ASTE1: variants seen among roughly 807,000 people sequenced by gnomAD.
The protein encoded by ASTE1 is asteroid structure-specific endonuclease 1.
Under a neutral mutation model 45.8 loss-of-function variants are expected in ASTE1, and 49 were observed. The observed-to-expected ratio is 1.07, with a 90% CI of 0.85 to 1.36. The LOEUF is 1.36. Among genes scored for constraint, ASTE1 ranks in the 40% most tolerant of loss-of-function variants. ASTE1 has a pLI of 0.00. For synonymous variants in ASTE1, 296 were observed against 303.9 expected, an observed-to-expected ratio of 0.97 and a Z score of 0.27; for missense variants, 709 against 804.0, an observed-to-expected ratio of 0.88 and a Z score of 1.43.
chr3:131,014,398 C>A lies in ASTE1; in HGVS notation c.1710-11G>T, dbSNP rs1427406442. 6.5e-7 allele frequency: 1 copy of A among 1,548,414 alleles called. No individual in the cohort carries two copies. The highest frequency in any genetic ancestry group is 8.7e-7 in the Non-Finnish European group (1 of 1,152,496). The stretch of plus-strand genomic sequence containing the variant: ...CTTCCACTGTACAGTCTGTTCAAAG[C>A]AAGAAAAAAGTATGTTGTTAAAGAA... On this transcript the variant is annotated splice_polypyrimidine_tract_variant and intron_variant, in intron 5 of 5. Transcript: ENST00000264992.
intron 5 of ASTE1, among the ~76,000 whole-genome samples, chr3:131,015,679 G>A (rs535690601): frequency 6.6e-6 from 1 of 152,124 alleles, no homozygotes; most frequent in African/African-American, 2.4e-5. Flanking sequence ...TTTAATATCT[G>A]AATGAATGAG....
chr3:131,023,876 C>T lies in ASTE1; in HGVS notation c.1302+129G>A, dbSNP rs149429794. ...TTCACTCAAGTTCTAGATTTCTTAG[C>T]TACGACATGAGGGCAAGATAGCACT... On this transcript the variant is annotated intron_variant, in intron 3 of 5. Coordinates refer to ENST00000264992, the MANE Select transcript of ASTE1 (RefSeq NM_014065.4). 5.9e-4 allele frequency: 566 copies of T among 956,260 alleles called. 2 individuals carry two copies. In the African/African-American group the frequency reaches 8.8e-3, roughly 15 times the overall value. The allele number at this position is 956,260 out of a possible 1,614,324, so 59.2% of individuals were successfully genotyped here. A position where few individuals can be genotyped will look rare whatever the true frequency, so the allele number is the denominator to read the frequency against.
intron 5 of ASTE1, among the ~76,000 whole-genome samples, chr3:131,015,589 C>T (rs777819370): frequency 1.3e-5 from 2 of 152,180 alleles, no homozygotes; most frequent in Non-Finnish European, 2.9e-5. Flanking sequence ...TGGGCATCTA[C>T]TCATCATCTC....
chr3:131,023,936 T>C (rs1488489183), intron 3 of ASTE1, 69 bp downstream of exon 3: 2 of 1,445,800 alleles, frequency 1.4e-6, no homozygotes, highest in East Asian at 2.3e-5. Context: ...AGTGAACTAA[T>C]ATAGAAGACA....
At chr3:131,020,758 A>G (rs958447440) in intron 3 of ASTE1, among the ~76,000 whole-genome samples, 2 of 152,232 alleles carry the variant, frequency 1.3e-5, no homozygotes, top group African/African-American at 4.8e-5. Flanking sequence ...CACTGAGCTA[A>G]ATTCAGAATT....
At chr3:131,018,153 G>C (rs1158031534) in intron 4 of ASTE1, among the ~76,000 whole-genome samples, 2 of 152,122 alleles carry the variant, frequency 1.3e-5, no homozygotes, top group African/African-American at 4.8e-5. Flanking sequence ...CGTTGCTGCT[G>C]TGCTAATAAC....
chr3:131,024,365 A>G lies in ASTE1; in HGVS notation c.942T>C (p.Thr314=). The G allele has an allele frequency of 6.2e-7, 1 of 1,614,270 alleles. No homozygotes were observed. The highest frequency in any genetic ancestry group is 8.5e-7 in the Non-Finnish European group (1 of 1,180,048). Residue 314 remains threonine (T), a synonymous_variant, in exon 3 of 6, where the codon ACT becomes ACC. Transcript: ENST00000264992. ...GATTCAAGGCATCTGGACAGACATA[A>G]GTACCACACTGGAAGAAGTCCTGTA... ...VKLQDFFQCG[T]YVCPDALNLG... is the part of the protein sequence containing the mutation.
chr3:131,025,173 A>G lies in ASTE1; in HGVS notation c.134T>C (p.Leu45Ser), dbSNP rs2063807803. Residue 45 changes from leucine (L) to serine (S), a missense_variant, in exon 3 of 6, where the codon TTG (leucine) becomes TCG (serine). Leu to Ser is a moderately radical substitution (Grantham distance 145). Transcript: ENST00000264992. ...LFHRLCFSSN[L>S]DLRYGGDYDS... ...ATAGTCCCCTCCATACCGGAGATCCAAGTTTGAACTGAAGCAAAGACGGTG... is the reference window on the plus strand; with the variant it reads ...ATAGTCCCCTCCATACCGGAGATCCGAGTTTGAACTGAAGCAAAGACGGTG... The G allele has an allele frequency of 1.2e-6, 2 of 1,614,242 alleles. No homozygotes were observed. The highest frequency in any genetic ancestry group is 2.2e-5 in the East Asian group (1 of 44,888).
In ASTE1 at chr3:131,025,056, A is replaced by T. The variant is rs375122968; in HGVS notation, c.251T>A (p.Ile84Asn). 10 of 1,606,946 alleles carry T rather than the reference A, an allele frequency of 6.2e-6. No homozygotes were observed. In the African/African-American group the frequency reaches 1.3e-4, roughly 22 times the overall value. The stretch of plus-strand genomic sequence containing the variant: ...TAAAGTTGTAAGCTTTTTATCTGAA[A>T]TGTCACATCCTCCATCTAATACAAC... ...PYVVLDGGCD[I>N]SDKKLTTLKD... The change falls in exon 3 of 6, where the codon ATT becomes AAT. Residue 84 changes from isoleucine (I) to asparagine (N), a missense_variant. Ile to Asn is a moderately radical substitution (Grantham distance 149). Coordinates refer to ENST00000264992, the MANE Select transcript of ASTE1 (RefSeq NM_014065.4).
chr3:131,025,962 C>G (rs980232203), intron 1 of ASTE1, among the ~76,000 whole-genome samples: 5 of 152,178 alleles, frequency 3.3e-5, no homozygotes, highest in Admixed American at 1.3e-4. Context: ...ACACCCCTAA[C>G]CACGAGCTCT....
Position 131,016,203 on chromosome 3 carries a change from C to G in ASTE1, c.1650G>C (p.Gln550His), listed in dbSNP as rs116326480. ...HIFCQWQSCL[Q>H]MGMYLNQLLS... ...GCAGCTGGTTGAGATACATCCCCAT[C>G]TGGAGACAGGACTGCCACTGACAGA... Residue 550 changes from glutamine (Q) to histidine (H), a missense_variant, in exon 5 of 6, where the codon CAG (glutamine) becomes CAC (histidine). Coordinates refer to ENST00000264992, the MANE Select transcript of ASTE1 (RefSeq NM_014065.4). 1 of 1,614,168 alleles carries G rather than the reference C, an allele frequency of 6.2e-7. No homozygotes were observed. The highest frequency in any genetic ancestry group is 1.3e-5 in the African/African-American group (1 of 75,036).
At chr3:131,021,378 A>C (rs2063740366) in intron 3 of ASTE1, among the ~76,000 whole-genome samples, 1 of 152,246 alleles carries the variant, frequency 6.6e-6, no homozygotes, top group Non-Finnish European at 1.5e-5. Flanking sequence ...AAATAGAAAA[A>C]TGTTACAGCA....
Position 131,014,090 on chromosome 3 carries a change from TAA to T in ASTE1, c.2005_2006del (p.Leu669ArgfsTer4), listed in dbSNP as rs760389783. ...NRFGLLMVEN[L>X]EEHSEASNIE Reference sequence around the variant, plus strand: ...TGTTGGAGGCCTCACTATGTTCCTCTAAGTTTTCAACCATTAACAACCCAAAC... The same window carrying T: ...TGTTGGAGGCCTCACTATGTTCCTCTGTTTTCAACCATTAACAACCCAAAC... On this transcript the variant is annotated frameshift_variant, in exon 6 of 6. Coordinates refer to ENST00000264992, the MANE Select transcript of ASTE1 (RefSeq NM_014065.4). LOFTEE classifies it high-confidence loss of function. 14 of 1,601,784 alleles carry T rather than the reference TAA, an allele frequency of 8.7e-6. No homozygotes were observed. Among genetic ancestry groups the T allele is most frequent in the Non-Finnish European group, 1.2e-5 (14 of 1,176,814 alleles).
At chr3:131,021,003 C>A (rs1035300522) in intron 3 of ASTE1, among the ~76,000 whole-genome samples, 1 of 152,172 alleles carries the variant, frequency 6.6e-6, no homozygotes, top group Non-Finnish European at 1.5e-5. Flanking sequence ...ATTCTAGATA[C>A]ATTATAGATC....
intron 1 of ASTE1, among the ~76,000 whole-genome samples, chr3:131,025,816 A>T (rs2063848111): frequency 6.6e-6 from 1 of 152,216 alleles, no homozygotes; most frequent in Non-Finnish European, 1.5e-5. Context: ...TATGATAAGG[A>T]TCAAGTTTTT....
At chr3:131,020,613 A>G (rs2063730348) in intron 3 of ASTE1, among the ~76,000 whole-genome samples, 1 of 152,252 alleles carries the variant, frequency 6.6e-6, no homozygotes, top group South Asian at 2.1e-4. Flanking sequence ...AAAGCAGATA[A>G]TGTATTACAA....
intron 4 of ASTE1, chr3:131,016,885 A>G: frequency 1.3e-6 from 1 of 758,848 alleles, no homozygotes; most frequent in Non-Finnish European, 1.9e-6. Context: ...CTAGGAAATA[A>G]GGAATGTTGT....
chr3:131,015,328 A>G (rs2063562109), intron 5 of ASTE1: 1 of 652,214 alleles, frequency 1.5e-6, no homozygotes, highest in Admixed American at 2.5e-5. Context: ...GACAAACAAA[A>G]CACAATCTAT....
intron 3 of ASTE1, among the ~76,000 whole-genome samples, chr3:131,020,269 A>C (rs1234425209): frequency 1.3e-5 from 2 of 152,208 alleles, no homozygotes; most frequent in Non-Finnish European, 2.9e-5. Flanking sequence ...AGTCCCTTCC[A>C]AAAGGGGAAG....
Sources: gnomAD v4.1 joint callset for allele counts (sites outside exome capture counted in the v4.1 genomes callset) on GRCh38, gnomAD v4.1.1 for gene constraint, MANE v1.5 for transcripts, NCBI Gene and HGNC (gene_info 2026-07-23, HGNC 2026-07-21) for gene names.